SLC25A12: variants seen among roughly 807,000 people sequenced by gnomAD.
SLC25A12 encodes the protein electrogenic aspartate/glutamate antiporter SLC25A12, mitochondrial.
Under a neutral mutation model 83.3 loss-of-function variants are expected in SLC25A12, and 32 were observed. The ratio of observed to expected loss-of-function variants is 0.38; its 90% confidence interval spans 0.29 to 0.52. The LOEUF (loss-of-function observed/expected upper bound fraction) is 0.52. Ranked by LOEUF, SLC25A12 falls within the 20% of genes least tolerant of loss-of-function variation. SLC25A12 has a pLI of 0.84. For synonymous variants in SLC25A12, 267 were observed against 291.1 expected (o/e 0.92, Z 0.84); for missense variants, 611 against 835.6 (o/e 0.73, Z 3.31).
At chr2:171,791,406 AAAT>A in intron 15 of SLC25A12, 42 bp downstream of exon 15, 1 of 1,522,308 alleles carries the variant, frequency 6.6e-7, no homozygotes, top group Non-Finnish European at 9.1e-7. Flanking sequence ...TGTACTTTTT[AAAT>A]AATGGGAGAA....
At chr2:171,842,753 G>A (rs1684705444) in intron 5 of SLC25A12, among the ~76,000 whole-genome samples, 1 of 152,164 alleles carries the variant, frequency 6.6e-6, no homozygotes, top group Non-Finnish European at 1.5e-5. Context: ...TTTTTGGGAT[G>A]ATAAAAATGT....
At chr2:171,789,560 T>G (rs1185197030) in intron 15 of SLC25A12, among the ~76,000 whole-genome samples, 9 of 151,886 alleles carry the variant, frequency 5.9e-5, no homozygotes, top group Admixed American at 5.9e-4. Flanking sequence ...AAGGAGCTGA[T>G]TTGGAAAAGG....
At chr2:171,889,539 C>G (rs146318321) in intron 2 of SLC25A12, among the ~76,000 whole-genome samples, 23 of 152,324 alleles carry the variant, frequency 1.5e-4, no homozygotes, top group African/African-American at 5.3e-4. Flanking sequence ...CCAGAATTCA[C>G]CACTTCAATT....
chr2:171,809,405 C>T (rs1333309092), intron 13 of SLC25A12: 19 of 588,740 alleles, frequency 3.2e-5, no homozygotes, highest in Admixed American at 2.1e-4. Context: ...TTCTAACTGG[C>T]GGAAAATGCT....
intron 4 of SLC25A12, among the ~76,000 whole-genome samples, chr2:171,847,329 A>G (rs1227314536): frequency 6.6e-6 from 1 of 152,216 alleles, no homozygotes; most frequent in Admixed American, 6.5e-5. Context: ...CCAATTCATA[A>G]ATTGCCACTT....
intron 4 of SLC25A12, among the ~76,000 whole-genome samples, chr2:171,851,722 A>T (rs1298068039): frequency 6.6e-6 from 1 of 152,010 alleles, no homozygotes; most frequent in African/African-American, 2.4e-5. Context: ...TTTAGTAGAG[A>T]TGGGGTTTCA....
At chr2:171,864,344 G>A (rs1573992432) in intron 3 of SLC25A12, among the ~76,000 whole-genome samples, 1 of 152,254 alleles carries the variant, frequency 6.6e-6, no homozygotes, top group East Asian at 1.9e-4. Flanking sequence ...CCATAATACA[G>A]CCATATATGA....
intron 9 of SLC25A12, among the ~76,000 whole-genome samples, chr2:171,823,299 A>G (rs1172667365): frequency 1.3e-5 from 2 of 152,214 alleles, no homozygotes; most frequent in African/African-American, 4.8e-5. Flanking sequence ...GAATTCTGAA[A>G]ATAAAATCCA....
intron 4 of SLC25A12, among the ~76,000 whole-genome samples, chr2:171,848,733 T>G (rs1290916150): frequency 6.6e-6 from 1 of 152,224 alleles, no homozygotes; most frequent in Admixed American, 6.5e-5. Flanking sequence ...GGTTCTCCTC[T>G]CAGATGGTCA....
At chr2:171,841,000 G>A (rs929798690) in intron 5 of SLC25A12, among the ~76,000 whole-genome samples, 1 of 152,162 alleles carries the variant, frequency 6.6e-6, no homozygotes, top group Non-Finnish European at 1.5e-5. Context: ...AAAATTATAA[G>A]GAAAATAAAC....
intron 10 of SLC25A12, among the ~76,000 whole-genome samples, chr2:171,813,769 G>C (rs1163262872): frequency 6.6e-6 from 1 of 152,132 alleles, no homozygotes; most frequent in Non-Finnish European, 1.5e-5. Context: ...GGATTATCGA[G>C]TCACTTCCCA....
Position 171,784,119 on chromosome 2 carries a change from G to A in SLC25A12, c.*1155C>T, listed in dbSNP as rs1690444083. Among the ~76,000 whole-genome samples, 2 of 152,172 alleles carry A rather than the reference G, an allele frequency of 1.3e-5. No homozygotes were observed. The highest frequency in any genetic ancestry group is 4.8e-5 in the African/African-American group (2 of 41,460). ...ATTAGTAATCACGCCCTTGATGAGT[G>A]ACTTTTAGAACAGTTTGCATTTGGA... On this transcript the variant is annotated 3_prime_UTR_variant, in exon 18 of 18. Transcript: ENST00000422440.
chr2:171,893,161 T>C, intron 2 of SLC25A12, 44 bp downstream of exon 2: 1 of 1,531,374 alleles, frequency 6.5e-7, no homozygotes, highest in Non-Finnish European at 9.1e-7. Flanking sequence ...ACATGTACGT[T>C]TTTTGTTTTT....
At chr2:171,867,433 C>G (rs552923300) in intron 3 of SLC25A12, among the ~76,000 whole-genome samples, 2 of 152,302 alleles carry the variant, frequency 1.3e-5, no homozygotes, top group South Asian at 2.1e-4. Flanking sequence ...GAGCTGGAGA[C>G]CAGCCCGGCC....
chr2:171,881,151 T>A (rs1415353422), intron 2 of SLC25A12, among the ~76,000 whole-genome samples: 1 of 151,814 alleles, frequency 6.6e-6, no homozygotes, highest in African/African-American at 2.4e-5. Flanking sequence ...TCTTTTTTTG[T>A]TGTTGTTGTT....
chr2:171,785,732 G>A (rs1690476424), intron 17 of SLC25A12, among the ~76,000 whole-genome samples: 1 of 152,202 alleles, frequency 6.6e-6, no homozygotes, highest in African/African-American at 2.4e-5. Context: ...CAAATCCATA[G>A]GAAAAAAGTC....
intron 6 of SLC25A12, among the ~76,000 whole-genome samples, chr2:171,836,661 A>AG (rs2105888355): frequency 6.6e-6 from 1 of 152,300 alleles, no homozygotes; most frequent in African/African-American, 2.4e-5. Context: ...AAGGCAACAA[A>AG]GGAAGGAGCC....
intron 2 of SLC25A12, 51 bp downstream of exon 2, chr2:171,893,154 T>C (rs776352687): frequency 4.9e-6 from 7 of 1,418,166 alleles, no homozygotes; most frequent in Non-Finnish European, 7.0e-6. Flanking sequence ...ACTAAGGACA[T>C]GTACGTTTTT....
At chr2:171,810,894 T>C (rs1355585349) in intron 11 of SLC25A12, among the ~76,000 whole-genome samples, 1 of 152,244 alleles carries the variant, frequency 6.6e-6, no homozygotes, top group African/African-American at 2.4e-5. Flanking sequence ...CATATGCCTG[T>C]TGTATTCTTA....
Sources: gnomAD v4.1 joint callset for allele counts (sites outside exome capture counted in the v4.1 genomes callset) on GRCh38, gnomAD v4.1.1 for gene constraint, MANE v1.5 for transcripts, NCBI Gene and HGNC (gene_info 2026-07-23, HGNC 2026-07-21) for gene names.